Variants in FUT8 observed in about 807,000 individuals in gnomAD.
FUT8 encodes alpha-(1,6)-fucosyltransferase.
In FUT8, 29 loss-of-function variants were observed where a neutral mutation model predicts 71.3. That is an observed-to-expected ratio of 0.41 (90% CI 0.30 to 0.55). FUT8 has a LOEUF of 0.55. Among genes scored for constraint, FUT8 ranks in the 20% least tolerant of loss-of-function variants. FUT8 has a pLI of 0.34. For missense variants in FUT8, 544 were observed against 702.1 expected (o/e 0.77, Z 2.55); for synonymous variants, 254 against 239.3 (o/e 1.06, Z -0.57).
chr14:65,716,354 T>A lies in FUT8; in HGVS notation c.836-5421T>A, dbSNP rs145405346. On this transcript the variant is annotated intron_variant, in intron 7 of 10. Transcript: ENST00000673929. ...ATATCTTCTTGATGAATTGATCCCT[T>A]TATCATTATATAGTGACCTTCTTTG... Among the ~76,000 whole-genome samples the A allele has an allele frequency of 3.5e-3, 527 of 152,088 alleles. 2 individuals carry two copies. Among genetic ancestry groups the A allele is most frequent in the African/African-American group, 0.012 (502 of 41,542 alleles).
At chr14:65,724,024 G>A in intron 8 of FUT8, 123 bp from the exon 9 acceptor site, 2 of 633,306 alleles carry the variant, frequency 3.2e-6, no homozygotes, top group Non-Finnish European at 2.5e-6. Context: ...TTCTAATAGT[G>A]AAAATGAAAG....
the FUT8 span, among the ~76,000 whole-genome samples, chr14:65,392,133 T>C: frequency 6.6e-6 from 1 of 151,954 alleles, no homozygotes; most frequent in East Asian, 1.9e-4. Flanking sequence ...GGTTTCTCAA[T>C]GTTGGTCAGG....
At chr14:65,576,572 A>G (rs552178855) in intron 3 of FUT8, among the ~76,000 whole-genome samples, 1 of 151,650 alleles carries the variant, frequency 6.6e-6, no homozygotes, top group Non-Finnish European at 1.5e-5. Context: ...TCTGTCTCCA[A>G]GGCTGGAGTG....
chr14:65,389,488 T>A, the FUT8 span, among the ~76,000 whole-genome samples: 39 of 152,114 alleles, frequency 2.6e-4, no homozygotes, highest in African/African-American at 9.2e-4. Context: ...ATTTTTCGTA[T>A]TTTTAGTAGA....
At chr14:65,528,541 G>A (rs556912120) in intron 2 of FUT8, among the ~76,000 whole-genome samples, 1 of 152,264 alleles carries the variant, frequency 6.6e-6, no homozygotes, top group Non-Finnish European at 1.5e-5. Flanking sequence ...CGCTTGGTGG[G>A]CTGCACCCAC....
chr14:65,398,445 T>A, the FUT8 span, among the ~76,000 whole-genome samples: 22 of 152,030 alleles, frequency 1.4e-4, no homozygotes, highest in South Asian at 6.2e-4. Flanking sequence ...TTAAAAAAAA[T>A]TTTTTTAGGG....
At chr14:65,709,561 G>A (rs1007647865) in intron 7 of FUT8, among the ~76,000 whole-genome samples, 2 of 152,138 alleles carry the variant, frequency 1.3e-5, no homozygotes, top group African/African-American at 4.8e-5. Context: ...GGGTGAGAGT[G>A]AACAGGTACT....
chr14:65,376,659 G>A, the FUT8 span, among the ~76,000 whole-genome samples: 278 of 151,592 alleles, frequency 1.8e-3, 1 homozygote, highest in African/African-American at 5.7e-3. Flanking sequence ...TGATCCACCC[G>A]CCTTGGCCTC....
rs2065869187 is a variant in FUT8, at chr14:65,454,393, G to A, written c.-325-1228G>A. 3.3e-5 allele frequency among the ~76,000 whole-genome samples: 5 copies of A among 152,246 alleles called. No homozygotes were observed. In the South Asian group the frequency reaches 1.0e-3, roughly 32 times the overall value. ...TGCAATCCCGGCACTTTGGGAGGCT[G>A]AGGCACGAGGATTACTTGAGCCCAG... On this transcript the variant is annotated intron_variant, in intron 1 of 10. Transcript: ENST00000673929.
At chr14:65,687,798 A>G (rs1893371438) in intron 7 of FUT8, among the ~76,000 whole-genome samples, 1 of 151,768 alleles carries the variant, frequency 6.6e-6, no homozygotes, top group Admixed American at 6.6e-5. Flanking sequence ...CAGTGGTGCG[A>G]TCATAGCTCA....
chr14:65,522,581 T>A (rs997821494), intron 2 of FUT8, among the ~76,000 whole-genome samples: 11 of 152,174 alleles, frequency 7.2e-5, no homozygotes, highest in Non-Finnish European at 1.0e-4. Context: ...TAAAATTTTT[T>A]AAAAATTATA....
At chr14:65,661,535 AGTAACTC>A (rs1891965204) in intron 6 of FUT8, among the ~76,000 whole-genome samples, 1 of 152,200 alleles carries the variant, frequency 6.6e-6, no homozygotes, top group Non-Finnish European at 1.5e-5. Flanking sequence ...TTTGGTCAGT[AGTAACTC>A]TGGGCAGGTG....
At chr14:65,423,132 T>C (rs1400688049) in intron 1 of FUT8, among the ~76,000 whole-genome samples, 2 of 150,406 alleles carry the variant, frequency 1.3e-5, no homozygotes, top group Non-Finnish European at 3.0e-5. Context: ...ACTACAGGTG[T>C]ACACCACCAC....
intron 7 of FUT8, among the ~76,000 whole-genome samples, chr14:65,712,526 C>A (rs894494144): frequency 6.6e-6 from 1 of 152,152 alleles, no homozygotes; most frequent in African/African-American, 2.4e-5. Flanking sequence ...CTCACTGCAA[C>A]CTCTGCCTCC....
intron 7 of FUT8, among the ~76,000 whole-genome samples, chr14:65,698,903 A>G (rs1305280232): frequency 6.6e-6 from 1 of 152,180 alleles, no homozygotes; most frequent in Non-Finnish European, 1.5e-5. Flanking sequence ...GGGGAGACAG[A>G]TACACATAAA....
chr14:65,637,445 A>G (rs939592437), intron 6 of FUT8, among the ~76,000 whole-genome samples: 3 of 152,170 alleles, frequency 2.0e-5, no homozygotes, highest in African/African-American at 7.2e-5. Flanking sequence ...GCAGAAGGAT[A>G]TCTCCGAGTT....
At chr14:65,555,464 T>G (rs1594765671) in intron 2 of FUT8, among the ~76,000 whole-genome samples, 1 of 152,320 alleles carries the variant, frequency 6.6e-6, no homozygotes, top group East Asian at 1.9e-4. Flanking sequence ...TGCCAAAGAC[T>G]TAAAGGATCT....
the FUT8 span, among the ~76,000 whole-genome samples, chr14:65,378,839 T>TTTTG: frequency 3.5e-4 from 37 of 105,168 alleles, no homozygotes; most frequent in South Asian, 0.012. Context: ...ACAAGAAGGT[T>TTTTG]TTTTTTTTTT....
At chr14:65,570,037 G>T (rs1203884920) in intron 3 of FUT8, among the ~76,000 whole-genome samples, 1 of 151,978 alleles carries the variant, frequency 6.6e-6, no homozygotes, top group Non-Finnish European at 1.5e-5. Flanking sequence ...TTGGTCTCTT[G>T]CTCCATGTAG....
Sources: allele counts gnomAD v4.1 joint callset (sites outside exome capture counted in the v4.1 genomes callset), GRCh38; gene constraint gnomAD v4.1.1; transcripts MANE v1.5; gene names NCBI Gene and HGNC (gene_info 2026-07-23, HGNC 2026-07-21).